The following CENPF variants were observed in gnomAD, a reference collection of about 807,000 sequenced individuals.
CENPF encodes the protein centromere protein F, also known as AH antigen.
In CENPF, 214 loss-of-function variants were observed where a neutral mutation model predicts 307.3. The observed-to-expected ratio is 0.70, with a 90% CI of 0.62 to 0.78. The LOEUF (loss-of-function observed/expected upper bound fraction) is 0.78, where lower values mean the gene tolerates loss of function less well. Among genes scored for constraint, CENPF ranks in the 30% least tolerant of loss-of-function variants. The pLI is 0.00. For missense variants in CENPF, 3,401 were observed against 3,483.9 expected (o/e 0.98, Z 0.60); for synonymous variants, 1,259 against 1,270.6 (o/e 0.99, Z 0.19).
At chr1:214,652,688 C>T (rs1449593368) in intron 15 of CENPF, 140 bp from the exon 16 acceptor site, 3 of 597,814 alleles carry the variant, frequency 5.0e-6, no homozygotes, top group Admixed American at 3.8e-5. Context: ...CGTGATCTGC[C>T]CACCTTGGCC....
chr1:214,649,842 T>A (rs1465803141), intron 14 of CENPF, among the ~76,000 whole-genome samples: 1 of 152,222 alleles, frequency 6.6e-6, no homozygotes, highest in Admixed American at 6.5e-5. Context: ...CTCAGCCCCA[T>A]ACATATGAGT....
In CENPF at chr1:214,631,593, G is replaced by A. The variant is rs367805899; in HGVS notation, c.1324-887G>A. On this transcript the variant is annotated intron_variant, in intron 9 of 19. Coordinates refer to ENST00000366955, the MANE Select transcript of CENPF (RefSeq NM_016343.4). The stretch of plus-strand genomic sequence containing the variant: ...CGGCTCACTGCAACCTCATCCTCCC[G>A]GGTTTGAGTGATTCTCCTGCCTCAG... 1.3e-4 allele frequency among the ~76,000 whole-genome samples: 20 copies of A among 152,254 alleles called. 1 individual carries two copies. The highest frequency in any genetic ancestry group is 4.6e-4 in the African/African-American group (19 of 41,546).
At chr1:214,610,019 C>CTTTTTTTTTTTTTTTTTTT (rs34695664) in intron 1 of CENPF, among the ~76,000 whole-genome samples, 1 of 130,376 alleles carries the variant, frequency 7.7e-6, no homozygotes. Context: ...GTGCATGTGC[C>CTTTTTTTTTTTTTTTTTTT]TTTTTTTTTT....
Position 214,655,420 on chromosome 1 carries a change from G to T in CENPF, c.8485+17G>T. ...AGAAAACAGGTGGGTGTTAACTGGG[G>T]CACATCAACTAGCCAGAACTCTTTT... On this transcript the variant is annotated intron_variant, in intron 17 of 19. Transcript: ENST00000366955. 1 of 1,559,436 alleles carries T rather than the reference G, an allele frequency of 6.4e-7. No individual in the cohort carries two copies. Among genetic ancestry groups the T allele is most frequent in the Non-Finnish European group, 8.7e-7 (1 of 1,155,760 alleles).
At chr1:214,656,870 G>A (rs563747222) in intron 17 of CENPF, 63 bp from the exon 18 acceptor site, 28 of 1,063,480 alleles carry the variant, frequency 2.6e-5, no homozygotes, top group Admixed American at 4.5e-5. Flanking sequence ...TCTGCTTCAC[G>A]ATGCCCATTG....
chr1:214,635,303 A>G (rs781631690), intron 10 of CENPF, among the ~76,000 whole-genome samples: 1 of 152,230 alleles, frequency 6.6e-6, no homozygotes, highest in Non-Finnish European at 1.5e-5. Flanking sequence ...AATGCCACAC[A>G]GTAGCTGAAA....
At position 214,642,809 on chromosome 1, in the gene CENPF, G is replaced by C. The variant is rs745591609; in HGVS notation, c.4471G>C (p.Gly1491Arg). ...TGACAGCTCTAGTCTTAGCAGTTTGGGAGACTCCTCCTTTTACAGAGCTCT... is the reference window on the plus strand; with the variant it reads ...TGACAGCTCTAGTCTTAGCAGTTTGCGAGACTCCTCCTTTTACAGAGCTCT... ...VPDSSSLSSL[G>R]DSSFYRALLE... The change falls in exon 12 of 20, where the codon GGA (glycine) becomes CGA (arginine). Residue 1491 changes from glycine (G) to arginine (R), a missense_variant. Physicochemically the swap from Gly to Arg is moderately radical, Grantham distance 125. Coordinates refer to ENST00000366955, the MANE Select transcript of CENPF (RefSeq NM_016343.4). The C allele has an allele frequency of 6.2e-7, 1 of 1,613,734 alleles. No homozygotes were observed. Among genetic ancestry groups the C allele is most frequent in the African/African-American group, 1.3e-5 (1 of 74,844 alleles).
chr1:214,648,017 A>T (rs777096590), intron 13 of CENPF: 7 of 486,232 alleles, frequency 1.4e-5, no homozygotes, highest in Admixed American at 4.2e-5. Context: ...TATTAAAGAA[A>T]AATTAAGTTT....
At position 214,645,364 on chromosome 1, in the gene CENPF, A is replaced by T; in HGVS notation, c.5794A>T (p.Lys1932Ter). Reference sequence around the variant, plus strand: ...TGACTTAGAGGTAGTTCAAACAGAGAAGCTATGTTTAGAAAAAGACAATGA... The same window carrying T: ...TGACTTAGAGGTAGTTCAAACAGAGTAGCTATGTTTAGAAAAAGACAATGA... ...EADLEVVQTE[K>*]LCLEKDNENK... Residue 1932 changes from lysine (K) to a stop codon, truncating the protein, a stop_gained, in exon 13 of 20, where the codon AAG becomes TAG. Coordinates refer to ENST00000366955, the MANE Select transcript of CENPF (RefSeq NM_016343.4). LOFTEE classifies it high-confidence loss of function. 6.2e-7 allele frequency: 1 copy of T among 1,614,144 alleles called. No individual in the cohort carries two copies.
Position 214,640,891 on chromosome 1 carries a change from G to A in CENPF, c.2553G>A (p.Lys851=), listed in dbSNP as rs1658092410. Residue 851 remains lysine, a synonymous_variant, in exon 12 of 20, where the codon AAG becomes AAA. Transcript: ENST00000366955. The stretch of plus-strand genomic sequence containing the variant: ...AACAGATGAACTCAGACCTGCAAAA[G>A]CAGTGTGAAGAGTTGGTGCAAATCA... The part of the protein sequence containing the change: ...SQKQMNSDLQ[K]QCEELVQIKG... 1.2e-6 allele frequency: 2 copies of A among 1,605,450 alleles called. No individual in the cohort carries two copies. Among genetic ancestry groups the A allele is most frequent in the Non-Finnish European group, 1.7e-6 (2 of 1,177,884 alleles).
chr1:214,628,904 TAA>T, intron 7 of CENPF, 140 bp from the exon 8 acceptor site: 1 of 562,036 alleles, frequency 1.8e-6, no homozygotes, highest in East Asian at 3.3e-5. Flanking sequence ...TTAAGTGGGC[TAA>T]TGCTTTACAT....
intron 1 of CENPF, among the ~76,000 whole-genome samples, chr1:214,605,104 TC>T (rs144549007): frequency 1.5e-3 from 232 of 151,286 alleles, no homozygotes; most frequent in African/African-American, 5.5e-3. Flanking sequence ...GAATGATTTT[TC>T]TTTTTGTTTA....
Position 214,622,221 on chromosome 1 carries a change from G to T in CENPF, c.1008G>T (p.Leu336Phe). The T allele has an allele frequency of 6.2e-7, 1 of 1,614,066 alleles. No individual in the cohort carries two copies. The highest frequency in any genetic ancestry group is 1.1e-5 in the South Asian group (1 of 91,070). ...AATTAATTGAAAAAGAGAAAGTTTTGAACAAATGTAGGGATGAACTAGTGA... is the reference window on the plus strand; with the variant it reads ...AATTAATTGAAAAAGAGAAAGTTTTTAACAAATGTAGGGATGAACTAGTGA... ...KVELIEKEKV[L>F]NKCRDELVRT... The change falls in exon 7 of 20, where the codon TTG becomes TTT. Residue 336 changes from leucine (L) to phenylalanine (F), a missense_variant. Transcript: ENST00000366955.
intron 1 of CENPF, 146 bp from the exon 2 acceptor site, chr1:214,613,568 T>G: frequency 2.0e-6 from 1 of 492,240 alleles, no homozygotes. Flanking sequence ...TTTCAGAGGA[T>G]GGAGAAGATA....
chr1:214,608,265 TC>T (rs1328161760), intron 1 of CENPF: 1 of 1,524,142 alleles, frequency 6.6e-7, no homozygotes. Context: ...CCCGGCCTGG[TC>T]CCCTCTTGGG....
intron 8 of CENPF, 152 bp from the exon 9 acceptor site, chr1:214,630,382 T>C: frequency 1.1e-6 from 1 of 895,746 alleles, no homozygotes; most frequent in Non-Finnish European, 1.7e-6. Flanking sequence ...GCACCAAGGC[T>C]GACTATGTTC....
chr1:214,604,667 A>G (rs1392199303), intron 1 of CENPF, among the ~76,000 whole-genome samples: 1 of 152,174 alleles, frequency 6.6e-6, no homozygotes, highest in African/African-American at 2.4e-5. Context: ...GTTTAGGGCA[A>G]TTACAGTTGT....
chr1:214,655,527 C>T, intron 17 of CENPF, 124 bp downstream of exon 17: 1 of 762,578 alleles, frequency 1.3e-6, no homozygotes, highest in Admixed American at 4.0e-5. Context: ...TGATTTTTTA[C>T]CATTAATCCA....
chr1:214,607,150 G>A (rs1657056730), intron 1 of CENPF, among the ~76,000 whole-genome samples: 1 of 152,216 alleles, frequency 6.6e-6, no homozygotes, highest in Admixed American at 6.5e-5. Context: ...ATGGTCAGTA[G>A]TGTGCTGAGC....
Sources: gnomAD v4.1 joint callset for allele counts (sites outside exome capture counted in the v4.1 genomes callset) on GRCh38, gnomAD v4.1.1 for gene constraint, MANE v1.5 for transcripts, NCBI Gene and HGNC (gene_info 2026-07-23, HGNC 2026-07-21) for gene names.